The following RTN4 variants were observed in gnomAD, a reference collection of about 807,000 sequenced individuals.
RTN4 encodes the protein reticulon-4.
In RTN4, 32 loss-of-function variants were observed where a neutral mutation model predicts 90.4. The ratio of observed to expected loss-of-function variants is 0.35; its 90% confidence interval spans 0.27 to 0.48. The LOEUF is 0.48. Ranked by LOEUF, RTN4 falls within the 20% of genes least tolerant of loss-of-function variation. The pLI, the probability that RTN4 is intolerant of heterozygous loss-of-function variation, is 0.99. For synonymous variants in RTN4, 629 were observed against 552.5 expected, an observed-to-expected ratio of 1.14 and a Z score of -1.94; for missense variants, 1,706 against 1,430.2, an observed-to-expected ratio of 1.19 and a Z score of -3.11.
chr2:55,010,093 C>T (rs1292731055), intron 3 of RTN4: 1 of 1,613,498 alleles, frequency 6.2e-7, no homozygotes, highest in Non-Finnish European at 8.5e-7. Context: ...ATACCCTTGT[C>T]CTTCCAATTT....
intron 3 of RTN4, among the ~76,000 whole-genome samples, chr2:55,014,131 C>G (rs963237652): frequency 6.6e-6 from 1 of 151,992 alleles, no homozygotes; most frequent in Admixed American, 6.6e-5. Context: ...TAATATAATG[C>G]CCTCTATGGA....
Position 55,025,567 on chromosome 2 carries a change from G to C in RTN4, c.2532C>G (p.Asp844Glu), listed in dbSNP as rs1364438972. ...ELSTAVYSND[D>E]LFISKEAQIR... The stretch of plus-strand genomic sequence containing the variant: ...TCTGTGCTTCCTTAGAAATAAATAA[G>C]TCATCATTTGAATAAACTGCAGTAC... Residue 844 changes from aspartate to glutamate, a missense_variant, in exon 3 of 9, where the codon GAC (aspartate) becomes GAG (glutamate). By Grantham distance (45) the Asp-to-Glu change is conservative (BLOSUM62 2). Coordinates refer to ENST00000337526, the MANE Select transcript of RTN4 (RefSeq NM_020532.5). The C allele has an allele frequency of 1.2e-6, 2 of 1,613,664 alleles. No individual in the cohort carries two copies. The highest frequency in any genetic ancestry group is 8.5e-7 in the Non-Finnish European group (1 of 1,179,838).
chr2:55,094,951 C>T (rs1348712529), intron 1 of RTN4, among the ~76,000 whole-genome samples: 1 of 152,146 alleles, frequency 6.6e-6, no homozygotes, highest in Admixed American at 6.5e-5. Flanking sequence ...TTCCGAGTGA[C>T]CTCCTACTCC....
chr2:55,056,122 C>T (rs1460216865), intron 2 of RTN4, among the ~76,000 whole-genome samples: 1 of 151,910 alleles, frequency 6.6e-6, no homozygotes, highest in African/African-American at 2.4e-5. Context: ...ATGAAAACTC[C>T]AAAAATAAAC....
chr2:55,027,569 G>C (rs1682001410), intron 2 of RTN4, 84 bp from the exon 3 acceptor site: 1 of 1,379,318 alleles, frequency 7.2e-7, no homozygotes, highest in Non-Finnish European at 9.8e-7. Context: ...CCAAAATAGT[G>C]TTAGTAAAGA....
At chr2:55,008,331 T>G (rs1680390410) in intron 3 of RTN4, among the ~76,000 whole-genome samples, 1 of 150,608 alleles carries the variant, frequency 6.6e-6, no homozygotes, top group Non-Finnish European at 1.5e-5. Context: ...GTCAAACTAT[T>G]TTTTTTTTAG....
chr2:55,132,869 T>C, the RTN4 span, among the ~76,000 whole-genome samples: 1 of 145,050 alleles, frequency 6.9e-6, no homozygotes, highest in Non-Finnish European at 1.5e-5. Context: ...TTTTAGGAAT[T>C]AGTTCTCACT....
chr2:55,023,086 T>C (rs1681569205), intron 3 of RTN4, among the ~76,000 whole-genome samples: 2 of 152,106 alleles, frequency 1.3e-5, no homozygotes, highest in Admixed American at 6.6e-5. Context: ...CTCCTACCTT[T>C]TTCTATTCAC....
At chr2:55,067,880 C>T (rs1668422325) in intron 2 of RTN4, among the ~76,000 whole-genome samples, 1 of 152,188 alleles carries the variant, frequency 6.6e-6, no homozygotes, top group Admixed American at 6.5e-5. Context: ...AAACCCACTG[C>T]ATGTTAACAT....
chr2:55,011,900 G>C (rs1336298040), intron 3 of RTN4, among the ~76,000 whole-genome samples: 2 of 152,106 alleles, frequency 1.3e-5, no homozygotes, highest in Non-Finnish European at 2.9e-5. Context: ...TTTATTCACT[G>C]AACCCCTGCA....
chr2:54,982,462 C>G, intron 5 of RTN4, 53 bp downstream of exon 5: 2 of 1,496,894 alleles, frequency 1.3e-6, no homozygotes, highest in Non-Finnish European at 9.1e-7. Flanking sequence ...ACACTCAACT[C>G]TCTTGATACT....
rs1668025648 is a variant in RTN4 at position 55,050,179 on chromosome 2, T to C, written c.122A>G (p.Glu41Gly). 6.4e-7 allele frequency: 1 copy of C among 1,569,136 alleles called. No homozygotes were observed. Among genetic ancestry groups the C allele is most frequent in the Non-Finnish European group, 8.6e-7 (1 of 1,163,416 alleles). ...CAGGTCTTCGTCCTCGTCCTCCTCT[T>C]CCTCCTCCTCTTCTTCCTCCTCGTC... ...PEDEEEEEEEEEEDEDEDLEE... is the reference protein window; with the variant it reads ...PEDEEEEEEEGEEDEDEDLEE... Residue 41 changes from glutamate to glycine, a missense_variant, in exon 1 of 9, where the codon GAA becomes GGA. By Grantham distance (98) the Glu-to-Gly change is moderately conservative. Transcript: ENST00000337526. This position sits in a 1 kb window ranked among gnomAD's most constrained non-coding sequence, Gnocchi z 4.6.
upstream of RTN4, among the ~76,000 whole-genome samples, chr2:55,116,457 C>T (rs1668127195): frequency 6.6e-6 from 1 of 152,162 alleles, no homozygotes; most frequent in African/African-American, 2.4e-5. Flanking sequence ...GTTTCTTAAC[C>T]TCTCTGAGCC....
the RTN4 span, among the ~76,000 whole-genome samples, chr2:55,133,936 C>T: frequency 6.6e-6 from 1 of 152,170 alleles, no homozygotes; most frequent in East Asian, 1.9e-4. Flanking sequence ...ACAGGCAAAG[C>T]AACCCCAAAG....
intron 1 of RTN4, among the ~76,000 whole-genome samples, chr2:55,091,776 C>A (rs1350248830): frequency 1.3e-5 from 2 of 152,202 alleles, no homozygotes; most frequent in Non-Finnish European, 2.9e-5. Context: ...TACAGTTCCA[C>A]ATGGCTGGGG....
Position 55,027,439 on chromosome 2 carries a change from A to G in RTN4, c.660T>C (p.Gly220=), listed in dbSNP as rs201481421. ...GCAGGACAGATGGGAAATCCTCTTG[A>G]CCAGCCGAAATAGTGTTACCTGGCT... The part of the protein sequence containing the change: ...KEQPGNTISA[G]QEDFPSVLLE... Residue 220 remains glycine, a synonymous_variant, in exon 3 of 9, where the codon GGT becomes GGC. Coordinates refer to ENST00000337526, the MANE Select transcript of RTN4 (RefSeq NM_020532.5). 1.2e-6 allele frequency: 2 copies of G among 1,613,126 alleles called. No individual in the cohort carries two copies. Among genetic ancestry groups the G allele is most frequent in the South Asian group, 1.1e-5 (1 of 90,996 alleles).
chr2:55,067,274 T>C (rs1453553736), intron 2 of RTN4, among the ~76,000 whole-genome samples: 1 of 152,188 alleles, frequency 6.6e-6, no homozygotes, highest in Non-Finnish European at 1.5e-5. Flanking sequence ...GCTCAAAGGA[T>C]TAAATTGTTG....
intron 3 of RTN4, among the ~76,000 whole-genome samples, chr2:55,021,555 T>C (rs1242793668): frequency 6.6e-6 from 1 of 151,746 alleles, no homozygotes; most frequent in Non-Finnish European, 1.5e-5. Context: ...ACTCCTGGGC[T>C]CAAGCTATCC....
At chr2:55,007,702 G>A (rs887710889) in intron 3 of RTN4, among the ~76,000 whole-genome samples, 5 of 152,140 alleles carry the variant, frequency 3.3e-5, no homozygotes, top group East Asian at 3.9e-4. Flanking sequence ...GGTAGGTCAC[G>A]ACCCAAGGAA....
Sources: gnomAD v4.1 joint callset for allele counts (sites outside exome capture counted in the v4.1 genomes callset) on GRCh38, gnomAD v4.1.1 for gene constraint, Gnocchi (gnomAD v3.1) non-coding constraint, MANE v1.5 for transcripts, NCBI Gene and HGNC (gene_info 2026-07-23, HGNC 2026-07-21) for gene names.